TRRAP: variants seen among roughly 807,000 people sequenced by gnomAD.
TRRAP encodes transformation/transcription domain associated protein.
TRRAP carries 41 observed loss-of-function variants against 438.8 expected under a neutral mutation model. That is an observed-to-expected ratio of 0.09 (90% confidence interval 0.07 to 0.12). The LOEUF (loss-of-function observed/expected upper bound fraction) is 0.12, where lower values mean the gene tolerates loss of function less well. Ranked by LOEUF, TRRAP falls within the 10% of genes least tolerant of loss-of-function variation. TRRAP has a pLI of 1.00. For synonymous variants in TRRAP, 1,994 were observed against 1,962.9 expected (o/e 1.02, Z -0.42); for missense variants, 3,122 against 5,055.1 (o/e 0.62, Z 11.60).
rs1182497926 is a variant in TRRAP, at chr7:98,988,814, G to A, written c.9439G>A (p.Val3147Met). 1 of 1,614,218 alleles carries A rather than the reference G, an allele frequency of 6.2e-7. No individual in the cohort carries two copies. Among genetic ancestry groups the A allele is most frequent in the Non-Finnish European group, 8.5e-7 (1 of 1,180,040 alleles). Residue 3147 changes from valine (V) to methionine (M), a missense_variant, in exon 63 of 73, where the codon GTG (valine) becomes ATG (methionine). Physicochemically the swap from Val to Met is conservative, Grantham distance 21 (BLOSUM62 1). Transcript: ENST00000456197. ...AFSAAVQMHDVLVKAWAMWGD... is the reference protein window; with the variant it reads ...AFSAAVQMHDMLVKAWAMWGD... ...CTCTGCAGCTGTGCAGATGCACGAT[G>A]TGCTGGTGAAAGCCTGGGCCATGTG...
intron 65 of TRRAP, among the ~76,000 whole-genome samples, chr7:98,992,770 T>C (rs937724859): frequency 2.0e-5 from 3 of 152,166 alleles, no homozygotes; most frequent in Non-Finnish European, 4.4e-5. Context: ...CTTTAAATAA[T>C]GAGACGACCG....
chr7:99,007,702 G>A (rs1794242463), intron 69 of TRRAP, among the ~76,000 whole-genome samples: 1 of 151,728 alleles, frequency 6.6e-6, no homozygotes, highest in African/African-American at 2.4e-5. Context: ...AGACTGGAGT[G>A]CAGTGGCGCA....
At chr7:98,891,818 G>A (rs1403827804) in intron 4 of TRRAP, among the ~76,000 whole-genome samples, 2 of 152,098 alleles carry the variant, frequency 1.3e-5, no homozygotes, top group East Asian at 1.9e-4. Flanking sequence ...GATTACAGGC[G>A]TGAGCCACCG....
At position 98,981,899 on chromosome 7, in the gene TRRAP, C is replaced by T; in HGVS notation, c.8765C>T (p.Ala2922Val). ...CTGGTGGAGATGGCCAGCAGCCTGG[C>T]CATCCGCGAGTGGCGGCGGCTGCCC... ...ERLVEMASSL[A>V]IREWRRLPHV... The change falls in exon 59 of 73, where the codon GCC becomes GTC. Residue 2922 changes from alanine (A) to valine (V), a missense_variant. By Grantham distance (64) the Ala-to-Val change is moderately conservative. Coordinates refer to ENST00000456197, the MANE Select transcript of TRRAP (RefSeq NM_001375524.1). The T allele has an allele frequency of 6.2e-7, 1 of 1,609,948 alleles. No individual in the cohort carries two copies. The highest frequency in any genetic ancestry group is 8.5e-7 in the Non-Finnish European group (1 of 1,178,898).
chr7:98,892,336 C>A, intron 4 of TRRAP, 88 bp from the exon 5 acceptor site: 1 of 1,092,370 alleles, frequency 9.2e-7, no homozygotes, highest in Non-Finnish European at 1.4e-6. Flanking sequence ...GTGTAAACAG[C>A]TGTGTGACAC....
chr7:98,934,769 G>A (rs940389371), intron 27 of TRRAP, among the ~76,000 whole-genome samples: 9 of 152,114 alleles, frequency 5.9e-5, no homozygotes, highest in Admixed American at 1.3e-4. Flanking sequence ...ATACCTGCAC[G>A]CATATATACA....
At chr7:98,882,874 G>T (rs1193771206) in intron 3 of TRRAP, among the ~76,000 whole-genome samples, 1 of 152,216 alleles carries the variant, frequency 6.6e-6, no homozygotes, top group Non-Finnish European at 1.5e-5. Flanking sequence ...GGCCAGGCTG[G>T]CCTTGAACTC....
Position 98,897,108 on chromosome 7 carries a change from G to A in TRRAP, c.508-633G>A, listed in dbSNP as rs192088294. On this transcript the variant is annotated intron_variant, in intron 7 of 72. Coordinates refer to ENST00000456197, the MANE Select transcript of TRRAP (RefSeq NM_001375524.1). The stretch of plus-strand genomic sequence containing the variant: ...AAATTAGCCAAGCATGGTGGTGCGC[G>A]CTAGTAATCTCAGCTACTTGGGAGG... Among the ~76,000 whole-genome samples the A allele has an allele frequency of 5.7e-4, 87 of 152,214 alleles. 1 individual carries two copies. Among genetic ancestry groups the A allele is most frequent in the African/African-American group, 1.9e-3 (81 of 41,550 alleles).
At chr7:98,890,690 A>G (rs1795925449) in intron 4 of TRRAP, among the ~76,000 whole-genome samples, 3 of 151,752 alleles carry the variant, frequency 2.0e-5, no homozygotes, top group Admixed American at 1.3e-4. Context: ...ACTGTTTACT[A>G]TAGACCAGTG....
chr7:99,003,599 C>T (rs1794028668), intron 67 of TRRAP, among the ~76,000 whole-genome samples: 1 of 152,200 alleles, frequency 6.6e-6, no homozygotes, highest in Non-Finnish European at 1.5e-5. Context: ...GTTGCCTCAA[C>T]GGCATTGTTC....
intron 13 of TRRAP, among the ~76,000 whole-genome samples, chr7:98,907,572 A>G (rs1796838370): frequency 6.6e-6 from 1 of 152,184 alleles, no homozygotes; most frequent in African/African-American, 2.4e-5. Flanking sequence ...CTAGAATTGG[A>G]CGTTAGATTA....
In TRRAP at chr7:98,981,965, G is replaced by A. The variant is rs756401721; in HGVS notation, c.8826+5G>A. ...GTGCACACGCCTCTCCTACAGGTGC[G>A]TGCGGTGCCCCCATGCGAGCACAGG... On this transcript the variant is annotated splice_donor_5th_base_variant and intron_variant, in intron 59 of 72. Transcript: ENST00000456197. 13 of 1,570,780 alleles carry A rather than the reference G, an allele frequency of 8.3e-6. No individual in the cohort carries two copies. Among genetic ancestry groups the A allele is most frequent in the East Asian group, 2.3e-5 (1 of 43,208 alleles).
rs1584326668 is a variant in TRRAP at position 98,931,490 on chromosome 7, G to A, written c.3677G>A (p.Arg1226Lys). ...RCATPLKDEERAEEIVAAQEK... is the reference protein window; with the variant it reads ...RCATPLKDEEKAEEIVAAQEK... The stretch of plus-strand genomic sequence containing the variant: ...GCAACGCCTTTAAAAGACGAGGAGA[G>A]AGCCGAAGAGATCGTGGCCGCCCAG... Residue 1226 changes from arginine (R) to lysine (K), a missense_variant, in exon 26 of 73, where the codon AGA (arginine) becomes AAA (lysine). Arg to Lys is a conservative substitution (Grantham distance 26, BLOSUM62 2). Transcript: ENST00000456197. 1.9e-6 allele frequency: 3 copies of A among 1,614,100 alleles called. No homozygotes were observed. Among genetic ancestry groups the A allele is most frequent in the Non-Finnish European group, 2.5e-6 (3 of 1,179,976 alleles).
chr7:98,978,724 T>C, intron 57 of TRRAP, 45 bp from the exon 58 acceptor site: 2 of 1,612,494 alleles, frequency 1.2e-6, no homozygotes, highest in Non-Finnish European at 1.7e-6. Context: ...AATTCATGAG[T>C]GTGCTGGTGA....
intron 43 of TRRAP, among the ~76,000 whole-genome samples, chr7:98,957,556 C>T (rs1584359437): frequency 6.6e-6 from 1 of 152,202 alleles, no homozygotes; most frequent in East Asian, 1.9e-4. Context: ...TCTTGGCCCC[C>T]AGCACCGTCT....
At chr7:99,002,588 C>T (rs1164260153) in intron 67 of TRRAP, among the ~76,000 whole-genome samples, 2 of 152,192 alleles carry the variant, frequency 1.3e-5, no homozygotes, top group Admixed American at 1.3e-4. Flanking sequence ...TCTCGCGGCT[C>T]TGCTGGGGGA....
chr7:98,962,773 C>T (rs1019310836), intron 47 of TRRAP, among the ~76,000 whole-genome samples: 12 of 152,226 alleles, frequency 7.9e-5, no homozygotes, highest in African/African-American at 2.4e-4. Flanking sequence ...CACCAGCCTG[C>T]CTGTGAGTCA....
intron 20 of TRRAP, among the ~76,000 whole-genome samples, chr7:98,921,002 G>C (rs536395135): frequency 6.6e-6 from 1 of 152,162 alleles, no homozygotes; most frequent in Non-Finnish European, 1.5e-5. Context: ...ACCACGCCCA[G>C]CTAATTTTGT....
intron 49 of TRRAP, 31 bp from the exon 50 acceptor site, chr7:98,967,010 T>C (rs1387585740): frequency 5.6e-6 from 9 of 1,593,634 alleles, no homozygotes; most frequent in South Asian, 1.1e-5. Context: ...TGAAATACTT[T>C]TAACTGCGTC....
Sources: allele counts gnomAD v4.1 joint callset (sites outside exome capture counted in the v4.1 genomes callset), GRCh38; gene constraint gnomAD v4.1.1; transcripts MANE v1.5; gene names NCBI Gene and HGNC (gene_info 2026-07-23, HGNC 2026-07-21).